KIF27: variants seen among roughly 807,000 people sequenced by gnomAD.
The protein encoded by KIF27 is kinesin-like protein KIF27.
In KIF27, 84 loss-of-function variants were observed where a neutral mutation model predicts 141.8. The observed-to-expected ratio is 0.59, with a 90% confidence interval of 0.50 to 0.71. The LOEUF is 0.71. KIF27 is among the 30% of genes least tolerant of loss of function. The pLI, the probability that KIF27 is intolerant of heterozygous loss-of-function variation, is 0.00. For synonymous variants in KIF27, 471 were observed against 569.5 expected (o/e 0.83, Z 2.46); for missense variants, 1,306 against 1,628.4 (o/e 0.80, Z 3.41).
At chr9:83,905,354 G>A (rs181171799) in intron 3 of KIF27, among the ~76,000 whole-genome samples, 94 of 152,108 alleles carry the variant, frequency 6.2e-4, no homozygotes, top group African/African-American at 2.1e-3. Flanking sequence ...TCCTGACCTC[G>A]TGATCCACCT....
At position 83,908,514 on chromosome 9, in the gene KIF27, A is replaced by C. The variant is rs1258227049; in HGVS notation, c.437T>G (p.Leu146Arg). ...CTTCATGGATGTCTCCAATTCTAGA[A>C]GATCTCTTAGGTCTTCCTTGTACAC... ...IEVYKEDLRD[L>R]LELETSMKDL... The change falls in exon 3 of 18, where the codon CTT becomes CGT. Residue 146 changes from leucine (L) to arginine (R), a missense_variant. Around this residue, in one of 4 missense-constraint regions of KIF27, gnomAD observed 533 missense variants for 565.6 expected, o/e 0.94. Coordinates refer to ENST00000297814, the MANE Select transcript of KIF27 (RefSeq NM_017576.4). The C allele has an allele frequency of 2.5e-6, 4 of 1,612,676 alleles. No homozygotes were observed. Among genetic ancestry groups the C allele is most frequent in the African/African-American group, 2.7e-5 (2 of 74,874 alleles).
At chr9:83,917,950 T>C (rs532668090) in intron 1 of KIF27, among the ~76,000 whole-genome samples, 1 of 152,292 alleles carries the variant, frequency 6.6e-6, no homozygotes, top group South Asian at 2.1e-4. Flanking sequence ...CATTATACAT[T>C]GTATACATGT....
Position 83,883,916 on chromosome 9 carries a change from T to C in KIF27, c.2342A>G (p.Gln781Arg). Residue 781 changes from glutamine (Q) to arginine (R), a missense_variant, in exon 10 of 18, where the codon CAG becomes CGG. Physicochemically the swap from Gln to Arg is conservative, Grantham distance 43. Transcript: ENST00000297814. ...ATCTTTGTTTTCCAGCTCCTGTAGC[T>C]GCTTTTGTGTTTCAATCAGTTCGAC... ...AKVELIETQK[Q>R]LQELENKDLS... The C allele has an allele frequency of 1.9e-6, 3 of 1,613,616 alleles. No homozygotes were observed. Among genetic ancestry groups the C allele is most frequent in the South Asian group, 2.2e-5 (2 of 91,060 alleles).
intron 10 of KIF27, among the ~76,000 whole-genome samples, chr9:83,882,511 G>A (rs1380840373): frequency 7.2e-5 from 11 of 152,130 alleles, no homozygotes; most frequent in East Asian, 3.8e-4. Context: ...TAAATAATGC[G>A]TATAAACCAT....
intron 5 of KIF27, among the ~76,000 whole-genome samples, chr9:83,897,837 A>G (rs1360593549): frequency 3.3e-5 from 5 of 152,204 alleles, no homozygotes; most frequent in Middle Eastern, 3.2e-3. Context: ...AGCCAAAAAC[A>G]TATGAAAAAA....
intron 14 of KIF27, among the ~76,000 whole-genome samples, chr9:83,857,502 C>A (rs1345336616): frequency 6.6e-6 from 1 of 152,178 alleles, no homozygotes; most frequent in Non-Finnish European, 1.5e-5. Context: ...TTCCCTCAAA[C>A]CCCAGTCCAG....
At chr9:83,857,022 G>T (rs1949297645) in intron 14 of KIF27, among the ~76,000 whole-genome samples, 1 of 144,642 alleles carries the variant, frequency 6.9e-6, no homozygotes, top group African/African-American at 2.6e-5. Flanking sequence ...CAACTACTCT[G>T]TATTATTAGA....
At chr9:83,910,937 A>G (rs1955089319) in intron 2 of KIF27, among the ~76,000 whole-genome samples, 1 of 151,188 alleles carries the variant, frequency 6.6e-6, no homozygotes, top group African/African-American at 2.4e-5. Flanking sequence ...GAATGGATAA[A>G]TAAAACACAG....
intron 11 of KIF27, among the ~76,000 whole-genome samples, chr9:83,879,103 A>AG (rs1194856925): frequency 6.7e-6 from 1 of 150,034 alleles, no homozygotes; most frequent in Non-Finnish European, 1.5e-5. Context: ...ACTTGAACCC[A>AG]GGAGGCGGAG....
chr9:83,892,405 T>C (rs1323386044), intron 5 of KIF27, among the ~76,000 whole-genome samples: 1 of 151,952 alleles, frequency 6.6e-6, no homozygotes, highest in Non-Finnish European at 1.5e-5. Context: ...TTAGGGTGCA[T>C]GGTATACTCT....
intron 4 of KIF27, among the ~76,000 whole-genome samples, 161 bp from the exon 5 acceptor site, chr9:83,899,965 G>A (rs145768743): frequency 2.6e-5 from 4 of 152,184 alleles, no homozygotes; most frequent in Non-Finnish European, 5.9e-5. Flanking sequence ...AAGGCAGAAA[G>A]AGTTGAGAGA....
intron 14 of KIF27, among the ~76,000 whole-genome samples, chr9:83,855,640 A>G (rs1354389511): frequency 2.1e-4 from 32 of 152,176 alleles, no homozygotes; most frequent in Non-Finnish European, 7.4e-5. Context: ...TTTTCTTATT[A>G]ACTTTGTAAC....
chr9:83,896,366 G>C (rs1342499589), intron 5 of KIF27, among the ~76,000 whole-genome samples: 1 of 152,154 alleles, frequency 6.6e-6, no homozygotes, highest in South Asian at 2.1e-4. Context: ...ACTGAGTTTA[G>C]TCAGGTTGCT....
chr9:83,863,908 G>GGTGTAT (rs1400958912), intron 13 of KIF27: 1 of 152,058 alleles, frequency 6.6e-6, no homozygotes, highest in African/African-American at 2.4e-5. Context: ...GTCTTGGGAG[G>GGTGTAT]GTGTATGTGT....
intron 5 of KIF27, among the ~76,000 whole-genome samples, chr9:83,896,160 T>C (rs1953226229): frequency 6.6e-6 from 1 of 151,912 alleles, no homozygotes; most frequent in Non-Finnish European, 1.5e-5. Flanking sequence ...GGAGAATCGC[T>C]TGAGCCCGGG....
At chr9:83,848,020 G>GCTATAT (rs569896803) in intron 16 of KIF27, 1 of 108,290 alleles carries the variant, frequency 9.2e-6, no homozygotes, top group Admixed American at 9.3e-5. Flanking sequence ...TATCATATAT[G>GCTATAT]CTATATCTAT....
intron 12 of KIF27, 47 bp downstream of exon 12, chr9:83,870,472 C>A: frequency 1.2e-6 from 2 of 1,607,832 alleles, no homozygotes; most frequent in South Asian, 1.1e-5. Flanking sequence ...TTTAGACAAC[C>A]ATCAGATTGA....
Position 83,837,205 on chromosome 9 carries a change from G to A in KIF27, c.4002C>T (p.His1334=). ...CCTGAATTTGGGATGACAGTCGACT[G>A]TGAGATTTTGTAAACTGATTATCAT... The part of the protein sequence containing the change: ...ETDDNQFTKS[H]SRLSSQIQVV... The change falls in exon 18 of 18, where the codon CAC becomes CAT. Residue 1334 remains histidine (H), a synonymous_variant. Coordinates refer to ENST00000297814, the MANE Select transcript of KIF27 (RefSeq NM_017576.4). 1 of 1,614,174 alleles carries A rather than the reference G, an allele frequency of 6.2e-7. No homozygotes were observed. The highest frequency in any genetic ancestry group is 1.1e-5 in the South Asian group (1 of 91,084).
intron 16 of KIF27, among the ~76,000 whole-genome samples, chr9:83,848,344 T>C (rs1402569157): frequency 7.6e-6 from 1 of 132,440 alleles, no homozygotes; most frequent in East Asian, 2.1e-4. Flanking sequence ...TATATATCTA[T>C]GTATCTATAT....
Sources: gnomAD v4.1 joint callset for allele counts (sites outside exome capture counted in the v4.1 genomes callset) on GRCh38, gnomAD v4.1.1 for gene constraint, gnomAD v4.1.1 regional missense constraint, MANE v1.5 for transcripts, NCBI Gene and HGNC (gene_info 2026-07-23, HGNC 2026-07-21) for gene names.